The following DSCAM variants were observed in gnomAD, a reference collection of about 807,000 sequenced individuals.
The protein encoded by DSCAM is DS cell adhesion molecule, also known as cell adhesion molecule DSCAM.
In DSCAM, 47 loss-of-function variants were observed where a neutral mutation model predicts 217.7. That is an observed-to-expected ratio of 0.22 (90% CI 0.17 to 0.28). The LOEUF (loss-of-function observed/expected upper bound fraction) is 0.28, where lower values mean the gene tolerates loss of function less well. DSCAM is among the 10% of genes least tolerant of loss of function. The pLI is 1.00. For missense variants in DSCAM, 2,080 were observed against 2,618.3 expected (o/e 0.79, Z 4.49); for synonymous variants, 1,056 against 1,015.3 (o/e 1.04, Z -0.76).
intron 1 of DSCAM, among the ~76,000 whole-genome samples, chr21:40,745,498 G>A (rs2091165654): frequency 6.6e-6 from 1 of 152,148 alleles, no homozygotes; most frequent in South Asian, 2.1e-4. Context: ...AGATTGGGAT[G>A]ATATATTCAA....
At chr21:40,476,794 C>A (rs2075940338) in intron 3 of DSCAM, among the ~76,000 whole-genome samples, 1 of 152,018 alleles carries the variant, frequency 6.6e-6, no homozygotes, top group Non-Finnish European at 1.5e-5. Context: ...CTGCTAAGGC[C>A]TCAATAAGAA....
intron 1 of DSCAM, among the ~76,000 whole-genome samples, chr21:40,730,082 C>T (rs1204279172): frequency 2.0e-5 from 3 of 152,126 alleles, no homozygotes; most frequent in African/African-American, 4.8e-5. Context: ...TGGGCTTCAC[C>T]GAGCAGAAAC....
At chr21:40,679,720 TAAGAAA>T (rs916619986) in intron 3 of DSCAM, among the ~76,000 whole-genome samples, 2 of 152,244 alleles carry the variant, frequency 1.3e-5, no homozygotes, top group African/African-American at 4.8e-5. Context: ...TTTTGCTATT[TAAGAAA>T]AATAAACGTT....
At chr21:40,425,510 T>C (rs1002218663) in intron 3 of DSCAM, among the ~76,000 whole-genome samples, 2 of 149,558 alleles carry the variant, frequency 1.3e-5, no homozygotes, top group Non-Finnish European at 1.5e-5. Flanking sequence ...TAATAATAAA[T>C]AGATAAATAA....
At chr21:40,247,586 C>T (rs1236064857) in intron 11 of DSCAM, among the ~76,000 whole-genome samples, 2 of 152,238 alleles carry the variant, frequency 1.3e-5, no homozygotes, top group African/African-American at 2.4e-5. Flanking sequence ...CATGCTGATG[C>T]AACAGATGCA....
chr21:40,739,824 T>G (rs2091104725), intron 1 of DSCAM, among the ~76,000 whole-genome samples: 2 of 152,036 alleles, frequency 1.3e-5, no homozygotes, highest in East Asian at 1.9e-4. Context: ...ATCTCCTGAT[T>G]CTGGCAGGCA....
chr21:40,049,100 T>C (rs887534831), intron 30 of DSCAM, among the ~76,000 whole-genome samples: 2 of 152,176 alleles, frequency 1.3e-5, no homozygotes, highest in Non-Finnish European at 2.9e-5. Context: ...TTGCTTGATG[T>C]TGGTAAACAT....
intron 3 of DSCAM, among the ~76,000 whole-genome samples, chr21:40,497,581 A>G (rs8128255): frequency 0.69 from 105,364 of 152,072 alleles, 37,944 homozygotes; most frequent in African/African-American, 0.91. Context: ...TAATAACAAC[A>G]TATTGTATTC....
chr21:40,837,976 C>G (rs889738108), intron 1 of DSCAM, among the ~76,000 whole-genome samples: 5 of 152,246 alleles, frequency 3.3e-5, no homozygotes, highest in African/African-American at 1.2e-4. Context: ...TTCTGTATCT[C>G]TATGGAACCC....
intron 19 of DSCAM, among the ~76,000 whole-genome samples, 165 bp downstream of exon 19, chr21:40,133,689 G>C (rs1335717298): frequency 6.6e-6 from 1 of 152,136 alleles, no homozygotes; most frequent in African/African-American, 2.4e-5. Context: ...TCAAGCAAAG[G>C]CAAGAGAGGA....
intron 16 of DSCAM, among the ~76,000 whole-genome samples, chr21:40,164,885 C>T (rs1335488377): frequency 6.6e-6 from 1 of 152,184 alleles, no homozygotes; most frequent in East Asian, 1.9e-4. Flanking sequence ...AGAAGCAGTG[C>T]TTATTCAATG....
intron 1 of DSCAM, among the ~76,000 whole-genome samples, chr21:40,771,225 T>C (rs1209960873): frequency 6.6e-6 from 1 of 152,184 alleles, no homozygotes; most frequent in Non-Finnish European, 1.5e-5. Context: ...CATAGAACCA[T>C]GCTGCCCATT....
chr21:40,071,159 T>C (rs1191184189), intron 27 of DSCAM, among the ~76,000 whole-genome samples: 1 of 152,166 alleles, frequency 6.6e-6, no homozygotes, highest in Non-Finnish European at 1.5e-5. Context: ...TGCTGGGATC[T>C]CAGGCCCAAC....
At chr21:40,251,242 G>A (rs2222979) in intron 11 of DSCAM, among the ~76,000 whole-genome samples, 87,082 of 152,046 alleles carry the variant, frequency 0.57, 26,436 homozygotes, top group African/African-American at 0.79. Context: ...AGAATACTGA[G>A]TAACACAGAA....
At position 40,498,331 on chromosome 21, in the gene DSCAM, C is replaced by T. The variant is rs188266771; in HGVS notation, c.509-129086G>A. 5.7e-4 allele frequency among the ~76,000 whole-genome samples: 87 copies of T among 151,952 alleles called. 1 individual carries two copies. The East Asian group carries it at 0.013, about 23-fold the overall frequency. On this transcript the variant is annotated intron_variant, in intron 3 of 32. Coordinates refer to ENST00000400454, the MANE Select transcript of DSCAM (RefSeq NM_001389.5). ...GTTTGATTATCTAAAAATGGGAATA[C>T]GCCACACCTGCTCTGCAAGACTGCT...
chr21:40,028,463 C>T (rs2088436420), intron 32 of DSCAM, among the ~76,000 whole-genome samples: 1 of 151,872 alleles, frequency 6.6e-6, no homozygotes, highest in South Asian at 2.1e-4. Flanking sequence ...TGCCACCTTG[C>T]AGTTTGATCT....
chr21:40,790,268 A>G (rs557683567), intron 1 of DSCAM, among the ~76,000 whole-genome samples: 29 of 131,416 alleles, frequency 2.2e-4, no homozygotes, highest in Middle Eastern at 4.5e-3. Flanking sequence ...TGCAACCTCC[A>G]CCTCCCGGGT....
At chr21:40,235,686 C>T (rs1315783768) in intron 11 of DSCAM, among the ~76,000 whole-genome samples, 8 of 152,054 alleles carry the variant, frequency 5.3e-5, no homozygotes, top group African/African-American at 1.9e-4. Context: ...CTGTATTCAT[C>T]TGCAAGCAAA....
chr21:40,126,461 A>G (rs1382086222), intron 19 of DSCAM, among the ~76,000 whole-genome samples: 3 of 152,122 alleles, frequency 2.0e-5, no homozygotes, highest in African/African-American at 7.2e-5. Flanking sequence ...TCGTTGGTAA[A>G]TGGTCACATG....
Sources: allele counts gnomAD v4.1 joint callset (sites outside exome capture counted in the v4.1 genomes callset), GRCh38; gene constraint gnomAD v4.1.1; transcripts MANE v1.5; gene names NCBI Gene and HGNC (gene_info 2026-07-23, HGNC 2026-07-21).